The following TRMT11 variants were observed in gnomAD, a reference collection of about 807,000 sequenced individuals.
TRMT11 encodes the protein tRNA methyltransferase 11.
A neutral mutation model predicts 62.8 loss-of-function variants in TRMT11; 53 were observed. The observed-to-expected ratio is 0.84, with a 90% CI of 0.68 to 1.06. The LOEUF is 1.06. TRMT11 is among the 50% of genes least tolerant of loss of function. The pLI is 0.00. For missense variants in TRMT11, 556 were observed against 553.4 expected, an observed-to-expected ratio of 1.00 and a Z score of -0.05; for synonymous variants, 188 against 190.3, an observed-to-expected ratio of 0.99 and a Z score of 0.10.
chr6:126,004,752 A>G (rs1016465053), intron 7 of TRMT11, among the ~76,000 whole-genome samples: 1 of 152,050 alleles, frequency 6.6e-6, no homozygotes, highest in African/African-American at 2.4e-5. Context: ...TAGTTTCCCA[A>G]ATGTATTGCT....
the TRMT11 span, among the ~76,000 whole-genome samples, chr6:126,225,022 A>G: frequency 3.9e-5 from 6 of 152,134 alleles, no homozygotes; most frequent in Non-Finnish European, 8.8e-5. Flanking sequence ...AGAGAGGCTG[A>G]CAGACAGAGG....
chr6:126,133,842 A>G (rs1267880815), intron 21 of TRMT11, among the ~76,000 whole-genome samples: 1 of 151,952 alleles, frequency 6.6e-6, no homozygotes, highest in Non-Finnish European at 1.5e-5. Flanking sequence ...CCTCTGAAAT[A>G]AATTTTGTCT....
At chr6:126,094,181 G>A (rs868430959) in intron 17 of TRMT11, among the ~76,000 whole-genome samples, 2 of 152,074 alleles carry the variant, frequency 1.3e-5, no homozygotes, top group African/African-American at 2.4e-5. Context: ...AATGACTGGG[G>A]TGTATTCTCC....
intron 17 of TRMT11, among the ~76,000 whole-genome samples, chr6:126,065,507 T>C (rs569663114): frequency 1.3e-5 from 2 of 152,328 alleles, no homozygotes; most frequent in East Asian, 3.9e-4. Flanking sequence ...AACTGCTGGC[T>C]AAAGTTTGTG....
chr6:126,163,371 G>A (rs936988336), intron 21 of TRMT11, among the ~76,000 whole-genome samples: 3 of 152,188 alleles, frequency 2.0e-5, no homozygotes, highest in Non-Finnish European at 2.9e-5. Flanking sequence ...ATTTGCATAT[G>A]TTGAACCAGC....
chr6:126,025,630 T>C (rs1362469969), intron 12 of TRMT11, among the ~76,000 whole-genome samples: 1 of 152,216 alleles, frequency 6.6e-6, no homozygotes, highest in East Asian at 1.9e-4. Flanking sequence ...GAGGAATGTA[T>C]ATAATTGCAG....
intron 17 of TRMT11, among the ~76,000 whole-genome samples, chr6:126,055,019 T>C (rs1407432235): frequency 1.3e-5 from 2 of 152,156 alleles, no homozygotes; most frequent in Non-Finnish European, 2.9e-5. Context: ...GGTTGTAGTG[T>C]AGTGGTGCAG....
At chr6:126,080,600 T>C (rs1777140387) in intron 17 of TRMT11, among the ~76,000 whole-genome samples, 1 of 152,172 alleles carries the variant, frequency 6.6e-6, no homozygotes, top group African/African-American at 2.4e-5. Flanking sequence ...CAAAGAGGCC[T>C]GTAGCTATTT....
intron 21 of TRMT11, among the ~76,000 whole-genome samples, chr6:126,139,571 G>T (rs1440671617): frequency 6.6e-6 from 1 of 151,984 alleles, no homozygotes; most frequent in Non-Finnish European, 1.5e-5. Flanking sequence ...GTTTCACCAT[G>T]TTGGCCAATC....
chr6:126,002,784 A>G (rs1352233342), intron 7 of TRMT11, among the ~76,000 whole-genome samples: 3 of 152,096 alleles, frequency 2.0e-5, no homozygotes, highest in Non-Finnish European at 4.4e-5. Flanking sequence ...CACCTATCCT[A>G]GGTGACTAAC....
At chr6:126,046,757 A>G (rs1776072646) in intron 16 of TRMT11, among the ~76,000 whole-genome samples, 1 of 152,208 alleles carries the variant, frequency 6.6e-6, no homozygotes, top group Non-Finnish European at 1.5e-5. Flanking sequence ...GAAAGTTAAC[A>G]TGACCACAGG....
At chr6:126,066,297 A>C (rs1025632359) in intron 17 of TRMT11, among the ~76,000 whole-genome samples, 3 of 152,142 alleles carry the variant, frequency 2.0e-5, no homozygotes, top group Non-Finnish European at 2.9e-5. Context: ...ATGGACTGTC[A>C]CTCAGTTTGG....
intron 17 of TRMT11, among the ~76,000 whole-genome samples, chr6:126,112,141 A>G (rs1777539242): frequency 6.6e-6 from 1 of 152,086 alleles, no homozygotes; most frequent in African/African-American, 2.4e-5. Context: ...GGGAGCTACT[A>G]TTAGCTCAGC....
intron 17 of TRMT11, among the ~76,000 whole-genome samples, chr6:126,096,243 C>T (rs1207624079): frequency 6.6e-6 from 1 of 152,128 alleles, no homozygotes; most frequent in Non-Finnish European, 1.5e-5. Flanking sequence ...GGCAATTAAC[C>T]TGATTGGTAA....
chr6:126,022,095 T>C (rs915050814), intron 12 of TRMT11, among the ~76,000 whole-genome samples: 1 of 149,840 alleles, frequency 6.7e-6, no homozygotes, highest in African/African-American at 2.5e-5. Flanking sequence ...AGTTTCCCTC[T>C]TTCACCCAGG....
chr6:126,160,013 C>T (rs1778171014), intron 21 of TRMT11, among the ~76,000 whole-genome samples: 1 of 152,110 alleles, frequency 6.6e-6, no homozygotes, highest in South Asian at 2.1e-4. Context: ...TGATCTCTTA[C>T]CTCGGGTGTT....
At chr6:126,056,437 T>C (rs1296845634) in intron 17 of TRMT11, among the ~76,000 whole-genome samples, 1 of 152,120 alleles carries the variant, frequency 6.6e-6, no homozygotes, top group African/African-American at 2.4e-5. Flanking sequence ...TTTCTGCCAG[T>C]TTTCAGATCC....
the TRMT11 span, among the ~76,000 whole-genome samples, chr6:126,256,122 G>A: frequency 7.9e-5 from 12 of 152,166 alleles, no homozygotes; most frequent in Non-Finnish European, 1.6e-4. Flanking sequence ...GCTGGCTGTT[G>A]GTAGGAGGTC....
intron 17 of TRMT11, among the ~76,000 whole-genome samples, chr6:126,108,796 G>T (rs1427985982): frequency 6.6e-6 from 1 of 152,174 alleles, no homozygotes; most frequent in Admixed American, 6.6e-5. Flanking sequence ...ACTATTAGTT[G>T]TACAACTGGC....
Sources: allele counts gnomAD v4.1 joint callset (sites outside exome capture counted in the v4.1 genomes callset), GRCh38; gene constraint gnomAD v4.1.1; transcripts MANE v1.5; gene names NCBI Gene and HGNC (gene_info 2026-07-23, HGNC 2026-07-21).